GOLGB1: variants seen among roughly 807,000 people sequenced by gnomAD.
The protein encoded by GOLGB1 is golgin subfamily B member 1.
A neutral mutation model predicts 336.9 loss-of-function variants in GOLGB1; 174 were observed. The observed-to-expected ratio is 0.52, with a 90% CI of 0.46 to 0.59. GOLGB1 has a LOEUF of 0.59. Ranked by LOEUF, GOLGB1 falls within the 20% of genes least tolerant of loss-of-function variation. The pLI, the probability that GOLGB1 is intolerant of heterozygous loss-of-function variation, is 0.00. For missense variants in GOLGB1, 3,331 were observed against 3,645.3 expected, an observed-to-expected ratio of 0.91 and a Z score of 2.22; for synonymous variants, 1,208 against 1,289.2, an observed-to-expected ratio of 0.94 and a Z score of 1.35.
intron 17 of GOLGB1, 91 bp from the exon 18 acceptor site, chr3:121,669,446 A>G (rs1172434696): frequency 3.0e-6 from 3 of 997,978 alleles, no homozygotes; most frequent in Non-Finnish European, 4.4e-6. Context: ...TAATTTTCCT[A>G]TGGAAGACCT....
chr3:121,747,136 T>C (rs940725082), intron 1 of GOLGB1, among the ~76,000 whole-genome samples: 3 of 129,018 alleles, frequency 2.3e-5, no homozygotes, highest in African/African-American at 8.7e-5. Context: ...CCCTAAGATA[T>C]ATATACATGG....
chr3:121,681,930 G>A, intron 14 of GOLGB1, 65 bp from the exon 15 acceptor site: 1 of 1,089,874 alleles, frequency 9.2e-7, no homozygotes, highest in Non-Finnish European at 1.4e-6. Flanking sequence ...GTAAGTCATT[G>A]GTAGCTCCCT....
chr3:121,721,890 A>C (rs1318862337), intron 6 of GOLGB1, among the ~76,000 whole-genome samples: 2 of 152,148 alleles, frequency 1.3e-5, no homozygotes, highest in Non-Finnish European at 2.9e-5. Context: ...AATTATTTTT[A>C]TTTCTTTTGG....
intron 8 of GOLGB1, among the ~76,000 whole-genome samples, 200 bp from the exon 9 acceptor site, chr3:121,717,339 AAAAC>A (rs1281324561): frequency 6.6e-6 from 1 of 152,198 alleles, no homozygotes; most frequent in Non-Finnish European, 1.5e-5. Context: ...GGCACCCAGA[AAAAC>A]AAACAGAGAA....
At chr3:121,747,414 T>TGTATATATATACATATATACAC (rs1491356685) in intron 1 of GOLGB1, among the ~76,000 whole-genome samples, 3 of 145,710 alleles carry the variant, frequency 2.1e-5, no homozygotes, top group Non-Finnish European at 4.5e-5. Context: ...CGTATATATA[T>TGTATATATATACATATATACAC]GTATATATAT....
chr3:121,709,258 CT>C (rs1047660623), intron 10 of GOLGB1, among the ~76,000 whole-genome samples: 1 of 152,118 alleles, frequency 6.6e-6, no homozygotes, highest in African/African-American at 2.4e-5. Flanking sequence ...TTTCAACCCC[CT>C]CTTAGCAAAT....
At chr3:121,717,216 T>C in intron 8 of GOLGB1, 77 bp from the exon 9 acceptor site, 3 of 1,148,702 alleles carry the variant, frequency 2.6e-6, no homozygotes, top group African/African-American at 1.6e-5. Flanking sequence ...TGCTTTTTCT[T>C]ATAGGATGGA....
chr3:121,668,599 G>A lies in GOLGB1; in HGVS notation c.9322-441C>T, dbSNP rs536210578. ...TGAGGCAGAGAATTGCTTGAACCCA[G>A]GAGGTGGAGGTTGCAGTGAGCCGAG... is the stretch of plus-strand genomic sequence containing the variant. On this transcript the variant is annotated intron_variant, in intron 18 of 21. Coordinates refer to ENST00000614479, the MANE Select transcript of GOLGB1 (RefSeq NM_001366282.2). 14 of 153,278 alleles carry A rather than the reference G, an allele frequency of 9.1e-5. No individual in the cohort carries two copies. In the South Asian group the frequency reaches 2.4e-3, roughly 26 times the overall value. 9.5% of individuals were successfully genotyped at this position (153,278 alleles called of 1,614,324 possible).
intron 1 of GOLGB1, among the ~76,000 whole-genome samples, chr3:121,748,099 G>GA (rs144108750): frequency 3.9e-5 from 6 of 151,924 alleles, no homozygotes; most frequent in Admixed American, 3.3e-4. Context: ...GCAGAAGGTT[G>GA]AAAAAAATCT....
intron 14 of GOLGB1, among the ~76,000 whole-genome samples, chr3:121,686,898 C>T (rs142347733): frequency 6.6e-6 from 1 of 152,208 alleles, no homozygotes; most frequent in East Asian, 1.9e-4. Flanking sequence ...GTGATTATTG[C>T]ATACTGAGTA....
intron 5 of GOLGB1, 76 bp from the exon 6 acceptor site, chr3:121,722,454 C>A (rs867769340): frequency 1.3e-6 from 1 of 781,106 alleles, no homozygotes; most frequent in African/African-American, 1.7e-5. Context: ...CTTTGACCTC[C>A]CTTTCTTGCT....
At chr3:121,748,043 T>A (rs1295814211) in intron 1 of GOLGB1, among the ~76,000 whole-genome samples, 1 of 150,998 alleles carries the variant, frequency 6.6e-6, no homozygotes, top group East Asian at 1.9e-4. Flanking sequence ...CTTTAATTAA[T>A]CCATTAATCA....
At chr3:121,683,847 C>T (rs750126200) in intron 14 of GOLGB1, among the ~76,000 whole-genome samples, 6 of 152,062 alleles carry the variant, frequency 3.9e-5, no homozygotes, top group South Asian at 4.2e-4. Context: ...GAAAATCTAC[C>T]GGCCGGGGAC....
chr3:121,709,318 C>G (rs1944151577), intron 10 of GOLGB1, among the ~76,000 whole-genome samples: 1 of 152,106 alleles, frequency 6.6e-6, no homozygotes, highest in South Asian at 2.1e-4. Context: ...GTGAACAATA[C>G]TATGATCTAA....
rs770766765 is a variant in GOLGB1 at position 121,694,612 on chromosome 3, T to A, written c.5911A>T (p.Ser1971Cys). 6.2e-7 allele frequency: 1 copy of A among 1,612,226 alleles called. No homozygotes were observed. The highest frequency in any genetic ancestry group is 1.7e-5 in the Admixed American group (1 of 60,018). Reference sequence around the variant, plus strand: ...TGCTGCTTTTCTTCTTCCAATTCACTCACACACTTTTTAAGGTTCTTCATT... The same window carrying A: ...TGCTGCTTTTCTTCTTCCAATTCACACACACACTTTTTAAGGTTCTTCATT... ...SEMKNLKKCV[S>C]ELEEEKQQLV... Residue 1971 changes from serine (S) to cysteine (C), a missense_variant, in exon 13 of 22, where the codon AGT (serine) becomes TGT (cysteine). Physicochemically the swap from Ser to Cys is moderately radical, Grantham distance 112. Coordinates refer to ENST00000614479, the MANE Select transcript of GOLGB1 (RefSeq NM_001366282.2).
At chr3:121,718,018 A>G (rs1944909197) in intron 8 of GOLGB1, among the ~76,000 whole-genome samples, 1 of 152,128 alleles carries the variant, frequency 6.6e-6, no homozygotes, top group East Asian at 1.9e-4. Flanking sequence ...CAGTTGTGGC[A>G]TTTTCCACTT....
chr3:121,738,854 G>A (rs1576479254), intron 1 of GOLGB1, among the ~76,000 whole-genome samples: 1 of 152,170 alleles, frequency 6.6e-6, no homozygotes, highest in Non-Finnish European at 1.5e-5. Context: ...GAGAAATCCA[G>A]CTGCCATATA....
At chr3:121,717,378 A>G (rs1421339537) in intron 8 of GOLGB1, among the ~76,000 whole-genome samples, 1 of 152,220 alleles carries the variant, frequency 6.6e-6, no homozygotes, top group Admixed American at 6.5e-5. Flanking sequence ...CCAATTCTGC[A>G]TTATGATGAG....
In GOLGB1 at chr3:121,730,869, T is replaced by C. The variant is rs748978052; in HGVS notation, c.96+7A>G. On this transcript the variant is annotated splice_region_variant and intron_variant, in intron 2 of 21. Transcript: ENST00000614479. ...TTACCAGTTTAAATCAGAACAGAAC[T>C]ACTCACAGGGTCTAGGGGAGCCCTC... 6.2e-6 allele frequency: 10 copies of C among 1,607,966 alleles called. No individual in the cohort carries two copies. The highest frequency in any genetic ancestry group is 1.1e-5 in the South Asian group (1 of 90,218).
Sources: gnomAD v4.1 joint callset for allele counts (sites outside exome capture counted in the v4.1 genomes callset) on GRCh38, gnomAD v4.1.1 for gene constraint, MANE v1.5 for transcripts, NCBI Gene and HGNC (gene_info 2026-07-23, HGNC 2026-07-21) for gene names.